SLC12A7: variants seen among roughly 807,000 people sequenced by gnomAD.
The protein encoded by SLC12A7 is solute carrier family 12 member 7.
SLC12A7 carries 100 observed loss-of-function variants against 120.6 expected under a neutral mutation model. The ratio of observed to expected loss-of-function variants is 0.83; its 90% CI spans 0.71 to 0.98. The LOEUF (loss-of-function observed/expected upper bound fraction) is 0.98, where lower values mean the gene tolerates loss of function less well. SLC12A7 is among the 50% of genes least tolerant of loss of function. SLC12A7 has a pLI of 0.00. For synonymous variants in SLC12A7, 760 were observed against 678.0 expected (o/e 1.12, Z -1.88); for missense variants, 1,373 against 1,548.1 (o/e 0.89, Z 1.90).
intron 4 of SLC12A7, 115 bp from the exon 5 acceptor site, chr5:1,088,475 C>T (rs1326739383): frequency 2.7e-6 from 3 of 1,098,962 alleles, no homozygotes; most frequent in Admixed American, 2.0e-5. Flanking sequence ...CCCCCAACTC[C>T]AGGGCTCTCC....
chr5:1,079,863 C>T (rs1465940204), intron 9 of SLC12A7, among the ~76,000 whole-genome samples: 1 of 152,228 alleles, frequency 6.6e-6, no homozygotes, highest in Non-Finnish European at 1.5e-5. Flanking sequence ...GACCTAAGGA[C>T]TTTGGGAATG....
chr5:1,100,847 G>A (rs1308868421), intron 1 of SLC12A7, among the ~76,000 whole-genome samples: 4 of 152,240 alleles, frequency 2.6e-5, no homozygotes, highest in South Asian at 2.1e-4. Context: ...CCGAGGCAGC[G>A]TGGGAACTTG....
the SLC12A7 span, among the ~76,000 whole-genome samples, chr5:1,131,685 C>A: frequency 1.6e-4 from 25 of 152,250 alleles, no homozygotes; most frequent in African/African-American, 5.8e-4. Context: ...GACTGAGACC[C>A]TGAGTCAGGC....
chr5:1,095,777 G>C (rs1243428701), intron 1 of SLC12A7, among the ~76,000 whole-genome samples: 3 of 152,222 alleles, frequency 2.0e-5, no homozygotes, highest in Non-Finnish European at 4.4e-5. Flanking sequence ...GGAGTGGTGG[G>C]TTCCAGCCGT....
At chr5:1,055,388 A>C (rs1200169361) in intron 22 of SLC12A7, among the ~76,000 whole-genome samples, 1 of 148,858 alleles carries the variant, frequency 6.7e-6, no homozygotes, top group African/African-American at 2.4e-5. Flanking sequence ...CACGCACACA[A>C]ACAGACATCC....
At chr5:1,147,329 A>G in the SLC12A7 span, among the ~76,000 whole-genome samples, 1 of 145,774 alleles carries the variant, frequency 6.9e-6, no homozygotes, top group Non-Finnish European at 1.5e-5. Flanking sequence ...AAGACGGCAG[A>G]ACAGACTCTG....
At chr5:1,140,395 C>A in the SLC12A7 span, among the ~76,000 whole-genome samples, 23 of 152,342 alleles carry the variant, frequency 1.5e-4, no homozygotes, top group Middle Eastern at 3.4e-3. Flanking sequence ...TCTGTTCCCC[C>A]CCACCGGGTC....
chr5:1,142,959 GC>G, the SLC12A7 span, among the ~76,000 whole-genome samples: 2 of 151,082 alleles, frequency 1.3e-5, no homozygotes, highest in Admixed American at 6.6e-5. Flanking sequence ...TGGGCCCTGG[GC>G]CCCAGGCCCC....
chr5:1,112,381 T>G (rs1207807272), upstream of SLC12A7, among the ~76,000 whole-genome samples: 1 of 65,720 alleles, frequency 1.5e-5, no homozygotes, highest in Non-Finnish European at 2.8e-5. Flanking sequence ...CTTGTCCCCT[T>G]CCCCGACCCC....
intron 5 of SLC12A7, among the ~76,000 whole-genome samples, chr5:1,087,675 G>T (rs1302793356): frequency 1.3e-5 from 2 of 152,232 alleles, no homozygotes; most frequent in Non-Finnish European, 2.9e-5. Context: ...TGGGGATGGG[G>T]ACCAGCTGCG....
the SLC12A7 span, among the ~76,000 whole-genome samples, chr5:1,143,954 C>T: frequency 9.9e-5 from 15 of 152,102 alleles, no homozygotes; most frequent in East Asian, 7.7e-4. Flanking sequence ...GGCACCCTGG[C>T]GCTGGGAAAC....
chr5:1,150,377 C>T, the SLC12A7 span, among the ~76,000 whole-genome samples: 3 of 151,972 alleles, frequency 2.0e-5, no homozygotes, highest in African/African-American at 4.8e-5. Context: ...GCACAGGCCT[C>T]GACCAGAGGA....
chr5:1,084,831 C>A (rs946545335), intron 7 of SLC12A7, among the ~76,000 whole-genome samples: 3 of 152,122 alleles, frequency 2.0e-5, no homozygotes, highest in Non-Finnish European at 4.4e-5. Flanking sequence ...CCCAGCTGCT[C>A]CTCCAAAAGG....
At chr5:1,155,445 C>T in the SLC12A7 span, among the ~76,000 whole-genome samples, 1 of 152,172 alleles carries the variant, frequency 6.6e-6, no homozygotes, top group African/African-American at 2.4e-5. Flanking sequence ...CGGCCCCTGC[C>T]CCGGCTCGGT....
the SLC12A7 span, among the ~76,000 whole-genome samples, chr5:1,125,751 C>T: frequency 6.6e-6 from 1 of 151,926 alleles, no homozygotes; most frequent in Non-Finnish European, 1.5e-5. Context: ...ATGGTGAAAC[C>T]CCATCTCTAC....
the SLC12A7 span, among the ~76,000 whole-genome samples, chr5:1,154,734 G>T: frequency 6.6e-6 from 1 of 152,150 alleles, no homozygotes; most frequent in Non-Finnish European, 1.5e-5. Context: ...CCCCACACAC[G>T]TGAGCTGGGT....
At chr5:1,084,011 GC>G (rs1739525238) in intron 7 of SLC12A7, 55 bp from the exon 8 acceptor site, 4 of 1,485,196 alleles carry the variant, frequency 2.7e-6, no homozygotes, top group African/African-American at 2.8e-5. Flanking sequence ...GGCTTTTACT[GC>G]CCCACCCAGC....
Position 1,077,695 on chromosome 5 carries a change from G to A in SLC12A7, c.1629+138C>T, listed in dbSNP as rs968154867. On this transcript the variant is annotated intron_variant, in intron 12 of 23. Coordinates refer to ENST00000264930, the MANE Select transcript of SLC12A7 (RefSeq NM_006598.3). ...CCACCACTCCCATGCTCTGTGCAGT[G>A]GCCAGGGGCAGAATGACCACCATGG... 2.1e-5 allele frequency: 19 copies of A among 894,388 alleles called. No individual in the cohort carries two copies. In the African/African-American group the frequency reaches 3.1e-4, roughly 15 times the overall value. 55.4% of individuals were successfully genotyped at this position (894,388 alleles called of 1,614,324 possible).
chr5:1,106,382 G>A (rs1277836071), intron 1 of SLC12A7, among the ~76,000 whole-genome samples: 1 of 150,970 alleles, frequency 6.6e-6, no homozygotes, highest in Non-Finnish European at 1.5e-5. Context: ...GAACCTGGGA[G>A]GCAGAGGTTG....
Sources: gnomAD v4.1 joint callset for allele counts (sites outside exome capture counted in the v4.1 genomes callset) on GRCh38, gnomAD v4.1.1 for gene constraint, MANE v1.5 for transcripts, NCBI Gene and HGNC (gene_info 2026-07-23, HGNC 2026-07-21) for gene names.